The following GPC5 variants were observed in gnomAD, a reference collection of about 807,000 sequenced individuals.
The protein encoded by GPC5 is glypican-5.
GPC5 carries 47 observed loss-of-function variants against 53.9 expected under a neutral mutation model. The observed-to-expected ratio is 0.87, with a 90% CI of 0.69 to 1.11. The LOEUF is 1.11. Among genes scored for constraint, GPC5 ranks in the 50% most tolerant of loss-of-function variants. The probability of loss-of-function intolerance (pLI) is 0.00; values close to 1 mark genes in which losing one functional copy is unlikely to be tolerated. For missense variants in GPC5, 748 were observed against 713.1 expected, an observed-to-expected ratio of 1.05 and a Z score of -0.56; for synonymous variants, 286 against 263.3, an observed-to-expected ratio of 1.09 and a Z score of -0.84.
intron 7 of GPC5, among the ~76,000 whole-genome samples, chr13:92,752,855 G>A (rs948651800): frequency 1.3e-5 from 2 of 152,070 alleles, no homozygotes; most frequent in Non-Finnish European, 2.9e-5. Context: ...AGGGAGTCTC[G>A]CTGATTGCTA....
At chr13:92,834,560 A>C (rs1242205012) in intron 7 of GPC5, among the ~76,000 whole-genome samples, 1 of 152,166 alleles carries the variant, frequency 6.6e-6, no homozygotes, top group African/African-American at 2.4e-5. Flanking sequence ...TGCTTCAAAA[A>C]ATCAATACAA....
At chr13:92,762,765 A>C (rs766409600) in intron 7 of GPC5, among the ~76,000 whole-genome samples, 8 of 151,810 alleles carry the variant, frequency 5.3e-5, no homozygotes, top group Non-Finnish European at 1.0e-4. Flanking sequence ...ACTCTTCTTC[A>C]TTGTTTTCTT....
chr13:92,289,298 CT>C (rs1387755124), intron 7 of GPC5, among the ~76,000 whole-genome samples: 1 of 152,098 alleles, frequency 6.6e-6, no homozygotes, highest in African/African-American at 2.4e-5. Flanking sequence ...ACCCCCACCC[CT>C]GCCAACAGCC....
At chr13:91,524,828 A>G (rs1886010261) in intron 2 of GPC5, among the ~76,000 whole-genome samples, 2 of 152,210 alleles carry the variant, frequency 1.3e-5, no homozygotes, top group African/African-American at 4.8e-5. Flanking sequence ...ATTTGAAATG[A>G]ATATTTGTTT....
intron 6 of GPC5, chr13:91,996,510 A>G (rs1042414066): frequency 6.6e-6 from 1 of 152,238 alleles, no homozygotes; most frequent in Non-Finnish European, 1.5e-5. Flanking sequence ...CTACAGAAGT[A>G]AGTTTTTAAA....
intron 6 of GPC5, among the ~76,000 whole-genome samples, chr13:92,114,233 C>G (rs1446218697): frequency 6.6e-6 from 1 of 152,186 alleles, no homozygotes; most frequent in Non-Finnish European, 1.5e-5. Context: ...GAATTCATGG[C>G]AGGGCCTCAT....
intron 7 of GPC5, among the ~76,000 whole-genome samples, chr13:92,224,522 G>A (rs746334889): frequency 3.1e-4 from 47 of 152,296 alleles, no homozygotes; most frequent in Non-Finnish European, 4.0e-4. Flanking sequence ...TTCTGTTAAC[G>A]GATTTCAATA....
At chr13:91,453,601 A>T (rs1350135213) in intron 2 of GPC5, among the ~76,000 whole-genome samples, 1 of 151,750 alleles carries the variant, frequency 6.6e-6, no homozygotes, top group Admixed American at 6.6e-5. Flanking sequence ...CTTGATCAAG[A>T]TTAAGAGAAC....
Position 92,631,713 on chromosome 13 carries a change from C to A in GPC5, c.1562-234569C>A, listed in dbSNP as rs144724780. Among the ~76,000 whole-genome samples the A allele has an allele frequency of 7.5e-3, 1,137 of 152,204 alleles. 8 individuals are homozygous for A. The highest frequency in any genetic ancestry group is 8.4e-3 in the Non-Finnish European group (569 of 67,992). On this transcript the variant is annotated intron_variant, in intron 7 of 7. Coordinates refer to ENST00000377067, the MANE Select transcript of GPC5 (RefSeq NM_004466.6). ...CTGGCAAAGGATGAGCATCCTTAAT[C>A]TGTAAACTAAAATGGTCCAAAATTC...
At chr13:92,663,302 T>G (rs1886411767) in intron 7 of GPC5, among the ~76,000 whole-genome samples, 1 of 151,984 alleles carries the variant, frequency 6.6e-6, no homozygotes, top group African/African-American at 2.4e-5. Context: ...CTACACATAA[T>G]GCAATTTATT....
At chr13:91,754,111 A>G (rs1174628523) in intron 4 of GPC5, among the ~76,000 whole-genome samples, 1 of 152,118 alleles carries the variant, frequency 6.6e-6, no homozygotes, top group Non-Finnish European at 1.5e-5. Flanking sequence ...GGAAAACAGA[A>G]CCTCACTTTT....
chr13:91,593,007 A>G (rs1442978530), intron 2 of GPC5, among the ~76,000 whole-genome samples: 2 of 152,144 alleles, frequency 1.3e-5, no homozygotes, highest in Non-Finnish European at 2.9e-5. Flanking sequence ...CTGTTCACAA[A>G]GGTTCCTAGT....
rs150693499 is a variant in GPC5 at position 92,467,831 on chromosome 13, A to G, written c.1561+322842A>G. On this transcript the variant is annotated intron_variant, in intron 7 of 7. Coordinates refer to ENST00000377067, the MANE Select transcript of GPC5 (RefSeq NM_004466.6). ...ATTATTTGTTCAATGAAGAAGATAT[A>G]TGCAGTTTAAATGTCTCTCTAATGG... 3.8e-3 allele frequency among the ~76,000 whole-genome samples: 576 copies of G among 152,226 alleles called. 2 individuals carry two copies. Among genetic ancestry groups the G allele is most frequent in the Non-Finnish European group, 5.8e-3 (393 of 68,000 alleles).
At chr13:92,531,830 T>C (rs1452805761) in intron 7 of GPC5, among the ~76,000 whole-genome samples, 1 of 152,204 alleles carries the variant, frequency 6.6e-6, no homozygotes, top group Non-Finnish European at 1.5e-5. Context: ...GTTTTTGTCA[T>C]GAATTATGTT....
chr13:91,400,927 A>G (rs1876899085), intron 1 of GPC5, among the ~76,000 whole-genome samples: 1 of 152,214 alleles, frequency 6.6e-6, no homozygotes, highest in East Asian at 1.9e-4. Flanking sequence ...GATACACATG[A>G]CACACAAAAA....
chr13:91,554,413 C>T (rs185738204), intron 2 of GPC5, among the ~76,000 whole-genome samples: 5 of 151,758 alleles, frequency 3.3e-5, no homozygotes, highest in African/African-American at 9.7e-5. Context: ...ACAGACACAG[C>T]ACCACAGACA....
chr13:91,574,822 T>C (rs1443990015), intron 2 of GPC5, among the ~76,000 whole-genome samples: 2 of 152,144 alleles, frequency 1.3e-5, no homozygotes, highest in African/African-American at 2.4e-5. Context: ...AGTTAGAACT[T>C]GGACTCTGTC....
At chr13:91,440,963 C>G (rs1308756593) in intron 1 of GPC5, among the ~76,000 whole-genome samples, 1 of 152,180 alleles carries the variant, frequency 6.6e-6, no homozygotes, top group African/African-American at 2.4e-5. Flanking sequence ...GGTATTCCCC[C>G]TTCACTTTCT....
chr13:92,663,764 A>G (rs117556494), intron 7 of GPC5, among the ~76,000 whole-genome samples: 33,127 of 139,886 alleles, frequency 0.24, 4,618 homozygotes, highest in South Asian at 0.38. Flanking sequence ...AAATATATAT[A>G]TACACTATAT....
Sources: allele counts gnomAD v4.1 joint callset (sites outside exome capture counted in the v4.1 genomes callset), GRCh38; gene constraint gnomAD v4.1.1; transcripts MANE v1.5; gene names NCBI Gene and HGNC (gene_info 2026-07-23, HGNC 2026-07-21).